Variants in ING4 observed in about 807,000 individuals in gnomAD.
ING4 encodes the protein inhibitor of growth protein 4.
ING4 carries 28 observed loss-of-function variants against 33.1 expected under a neutral mutation model. That is an observed-to-expected ratio of 0.85 (90% confidence interval 0.63 to 1.16). The LOEUF is 1.16. ING4 is among the 50% of genes most tolerant of loss of function. The pLI is 0.00. For missense variants in ING4, 247 were observed against 314.7 expected, an observed-to-expected ratio of 0.78 and a Z score of 1.63; for synonymous variants, 87 against 104.4, an observed-to-expected ratio of 0.83 and a Z score of 1.02.
At chr12:6,657,231 C>T (rs1403603992) in intron 1 of ING4, among the ~76,000 whole-genome samples, 11 of 151,998 alleles carry the variant, frequency 7.2e-5, no homozygotes, top group Non-Finnish European at 1.5e-4. Context: ...GAGCAGATCA[C>T]GAGGTCAGGA....
At chr12:6,652,248 T>C (rs1949206526) in intron 6 of ING4, 23 bp downstream of exon 6, 1 of 1,610,372 alleles carries the variant, frequency 6.2e-7, no homozygotes, top group African/African-American at 1.3e-5. Flanking sequence ...CAACCCCCCA[T>C]CCTAAGGCAA....
At chr12:6,657,715 A>T (rs1379411919) in intron 1 of ING4, 1 of 151,528 alleles carries the variant, frequency 6.6e-6, no homozygotes, top group Non-Finnish European at 1.5e-5. Flanking sequence ...GTGGATCACG[A>T]GGTCAGGAGT....
Position 6,653,266 on chromosome 12 carries a change from G to A in ING4, c.240C>T (p.Asp80=), listed in dbSNP as rs768182564. ...EAYGKCKEFG[D]DKVQLAMQTY... ...TCTGCATGGCAAGCTGCACCTTGTC[G>A]TCACCAAATTCCTTGCACTTGCCAT... The change falls in exon 3 of 8, where the codon GAC becomes GAT. Residue 80 remains aspartate, a synonymous_variant. Coordinates refer to ENST00000341550, the MANE Select transcript of ING4 (RefSeq NM_016162.4). The A allele has an allele frequency of 1.9e-5, 31 of 1,614,042 alleles. No individual in the cohort carries two copies. The highest frequency in any genetic ancestry group is 6.7e-5 in the East Asian group (3 of 44,888).
chr12:6,652,606 G>A, intron 5 of ING4, 56 bp downstream of exon 5: 6 of 1,501,026 alleles, frequency 4.0e-6, no homozygotes, highest in Non-Finnish European at 1.9e-6. Context: ...GGCTGGGAGT[G>A]GGGCACCGGG....
At position 6,660,875 on chromosome 12, in the gene ING4, G is replaced by T. The variant is rs1592334345; in HGVS notation, c.37+2190C>A. On this transcript the variant is annotated intron_variant, in intron 1 of 7. Transcript: ENST00000341550. ...CTTGTCGCCCAGGCTGGAGTGCAAT[G>T]GCGCAATCTCAGGTTCAAGGAATTC... is the stretch of plus-strand genomic sequence containing the variant. Among the ~76,000 whole-genome samples the T allele has an allele frequency of 2.6e-5, 4 of 152,168 alleles. No individual in the cohort carries two copies. The South Asian group carries it at 8.3e-4, about 32-fold the overall frequency.
intron 2 of ING4, chr12:6,655,985 TTC>T (rs1949339916): frequency 6.7e-6 from 3 of 450,718 alleles, no homozygotes; most frequent in African/African-American, 4.0e-5. Context: ...TCTTTTTTCT[TTC>T]TCTTTTTAAG....
At chr12:6,655,914 CT>C in intron 2 of ING4, 1 of 456,334 alleles carries the variant, frequency 2.2e-6, no homozygotes, top group Non-Finnish European at 4.4e-6. Flanking sequence ...TCTAATGCTT[CT>C]GTAAGTGTGA....
chr12:6,659,660 A>C (rs370864194), intron 1 of ING4, among the ~76,000 whole-genome samples: 1 of 151,882 alleles, frequency 6.6e-6, no homozygotes, highest in South Asian at 2.1e-4. Flanking sequence ...AAAATACAAA[A>C]AAATTAGCTG....
chr12:6,662,962 A>T, intron 1 of ING4, 103 bp downstream of exon 1: 2 of 1,287,054 alleles, frequency 1.6e-6, no homozygotes, highest in South Asian at 2.5e-5. Flanking sequence ...CCGCTTCATA[A>T]TTGTGACCTT....
At position 6,663,089 on chromosome 12, in the gene ING4, T is replaced by C. The variant is rs1949611283; in HGVS notation, c.13A>G (p.Met5Val). The change falls in exon 1 of 8, where the codon ATG becomes GTG. Residue 5 changes from methionine (M) to valine (V), a missense_variant. Met to Val is a conservative substitution (Grantham distance 21). This residue lies in a region of ING4 where 198 missense variants were observed against 221.2 expected (regional missense o/e 0.89). Coordinates refer to ENST00000341550, the MANE Select transcript of ING4 (RefSeq NM_016162.4). The stretch of plus-strand genomic sequence containing the variant: ...CTGTCCAGATAATGTTCCAAATACA[T>C]CCCCGCAGCCATCTCGAAGCAAAAC... MAAG[M>V]YLEHYLDSIE... 1.2e-6 allele frequency: 2 copies of C among 1,613,718 alleles called. No homozygotes were observed. Among genetic ancestry groups the C allele is most frequent in the African/African-American group, 1.3e-5 (1 of 74,756 alleles).
intron 6 of ING4, among the ~76,000 whole-genome samples, chr12:6,651,741 C>T (rs966695358): frequency 6.6e-6 from 1 of 151,876 alleles, no homozygotes; most frequent in Admixed American, 6.6e-5. Context: ...GGGGTTTCAC[C>T]GTGTTGGCCA....
chr12:6,653,182 C>A, intron 3 of ING4, 48 bp downstream of exon 3: 2 of 1,609,990 alleles, frequency 1.2e-6, no homozygotes, highest in Non-Finnish European at 8.5e-7. Flanking sequence ...GTCTAAGACC[C>A]TGAGGATTAG....
At chr12:6,657,559 T>C (rs908383735) in intron 1 of ING4, among the ~76,000 whole-genome samples, 1 of 152,222 alleles carries the variant, frequency 6.6e-6, no homozygotes, top group Non-Finnish European at 1.5e-5. Flanking sequence ...CAGGCCATGC[T>C]TAACTCTTTC....
intron 6 of ING4, 134 bp from the exon 7 acceptor site, chr12:6,651,519 A>G: frequency 1.5e-6 from 1 of 685,834 alleles, no homozygotes. Flanking sequence ...CCCAAGGCCA[A>G]CCAGTTCCCA....
chr12:6,660,648 T>C (rs1211729232), intron 1 of ING4, among the ~76,000 whole-genome samples: 1 of 150,578 alleles, frequency 6.6e-6, no homozygotes, highest in East Asian at 1.9e-4. Context: ...ATAAAATAAA[T>C]AAAAAAAAAT....
intron 6 of ING4, 83 bp from the exon 7 acceptor site, chr12:6,651,468 T>A (rs1052938344): frequency 2.6e-6 from 3 of 1,153,164 alleles, no homozygotes; most frequent in Non-Finnish European, 3.9e-6. Flanking sequence ...CTTAGGAACA[T>A]CCTGTCCTTT....
intron 1 of ING4, among the ~76,000 whole-genome samples, chr12:6,658,573 C>T (rs886684481): frequency 3.3e-5 from 5 of 151,992 alleles, no homozygotes; most frequent in Non-Finnish European, 4.4e-5. Flanking sequence ...GTAATCCCAG[C>T]TACTTGGGAG....
chr12:6,653,751 T>C (rs1565399780), intron 2 of ING4, among the ~76,000 whole-genome samples: 1 of 152,266 alleles, frequency 6.6e-6, no homozygotes. Context: ...TCAAAAGCCA[T>C]TGTTTCCTTC....
chr12:6,655,920 G>T (rs1387672385), intron 2 of ING4: 1 of 456,158 alleles, frequency 2.2e-6, no homozygotes, highest in East Asian at 6.9e-5. Flanking sequence ...GCTTCTGTAA[G>T]TGTGAACGGT....
Sources: allele counts gnomAD v4.1 joint callset (sites outside exome capture counted in the v4.1 genomes callset), GRCh38; gene constraint gnomAD v4.1.1; regional missense constraint gnomAD v4.1.1; transcripts MANE v1.5; gene names NCBI Gene and HGNC (gene_info 2026-07-23, HGNC 2026-07-21).